Variants in USP49 observed in about 807,000 individuals in gnomAD.
USP49 encodes ubiquitin carboxyl-terminal hydrolase 49.
USP49 carries 24 observed loss-of-function variants against 58.6 expected under a neutral mutation model. The observed-to-expected ratio is 0.41, with a 90% confidence interval of 0.30 to 0.58. The LOEUF is 0.58. Ranked by LOEUF, USP49 falls within the 20% of genes least tolerant of loss-of-function variation. The pLI, the probability that USP49 is intolerant of heterozygous loss-of-function variation, is 0.30. For missense variants in USP49, 703 were observed against 866.1 expected, an observed-to-expected ratio of 0.81 and a Z score of 2.36; for synonymous variants, 408 against 365.1, an observed-to-expected ratio of 1.12 and a Z score of -1.34.
At chr6:41,816,134 C>G (rs1036734747) in intron 3 of USP49, among the ~76,000 whole-genome samples, 3 of 152,186 alleles carry the variant, frequency 2.0e-5, no homozygotes, top group African/African-American at 4.8e-5. Flanking sequence ...TACAAATATT[C>G]TCAAGTGTCT....
Position 41,821,793 on chromosome 6 carries a change from C to T in USP49, c.-28-14782G>A, listed in dbSNP as rs899539130. On this transcript the variant is annotated intron_variant, in intron 3 of 7. Transcript: ENST00000682992. ...TCCTCATGGACTCCAATTATCCAGA[C>T]GGAAAGCAGCTCATCCTATACATTT... 1.4e-4 allele frequency among the ~76,000 whole-genome samples: 21 copies of T among 152,220 alleles called. 1 individual carries two copies. The highest frequency in any genetic ancestry group is 7.9e-4 in the Admixed American group (12 of 15,282).
intron 3 of USP49, among the ~76,000 whole-genome samples, chr6:41,858,679 C>T (rs1774171308): frequency 1.3e-5 from 2 of 152,008 alleles, no homozygotes; most frequent in African/African-American, 4.8e-5. Flanking sequence ...AATGCTCTTC[C>T]CTCAGATATC....
chr6:41,881,886 C>A (rs1329253111), intron 2 of USP49, among the ~76,000 whole-genome samples: 1 of 152,022 alleles, frequency 6.6e-6, no homozygotes. Context: ...TTCTTTCATA[C>A]TCATGGATAT....
chr6:41,861,022 G>C (rs1054867030), intron 3 of USP49, among the ~76,000 whole-genome samples: 2 of 152,056 alleles, frequency 1.3e-5, no homozygotes, highest in Non-Finnish European at 2.9e-5. Flanking sequence ...CCAGCTACTC[G>C]GGAGGCTGAG....
chr6:41,878,648 A>G (rs1171216329), intron 2 of USP49, among the ~76,000 whole-genome samples: 1 of 152,238 alleles, frequency 6.6e-6, no homozygotes, highest in African/African-American at 2.4e-5. Flanking sequence ...AGCATACATT[A>G]AAATCATTAA....
At position 41,798,915 on chromosome 6, in the gene USP49, T is replaced by C; in HGVS notation, c.1685A>G (p.Asn562Ser). 1 of 1,613,190 alleles carries C rather than the reference T, an allele frequency of 6.2e-7. No homozygotes were observed. Among genetic ancestry groups the C allele is most frequent in the Non-Finnish European group, 8.5e-7 (1 of 1,179,704 alleles). The change falls in exon 7 of 8, where the codon AAT (asparagine) becomes AGT (serine). Residue 562 changes from asparagine (N) to serine (S), a missense_variant. Asn to Ser is a conservative substitution (Grantham distance 46, BLOSUM62 1). Around this residue, in one of 6 missense-constraint regions of USP49, gnomAD observed 158 missense variants for 241.2 expected, o/e 0.66. Transcript: ENST00000682992. ...HLKRFRWSGR[N>S]HREKIGVHVV... ...ATGGACCCCAATCTTCTCTCGATGA[T>C]TACGGCCAGACCACCTAGAACATGG...
chr6:41,860,674 ATT>A (rs34076767), intron 3 of USP49, among the ~76,000 whole-genome samples: 4 of 150,134 alleles, frequency 2.7e-5, no homozygotes, highest in East Asian at 2.0e-4. Context: ...CACCCAGCTA[ATT>A]TTTTTTTTGT....
At chr6:41,802,886 G>A (rs953259008) in intron 5 of USP49, among the ~76,000 whole-genome samples, 2 of 152,058 alleles carry the variant, frequency 1.3e-5, no homozygotes, top group African/African-American at 2.4e-5. Flanking sequence ...AAATACTTCC[G>A]TATGACCCTC....
At chr6:41,804,052 G>T in intron 4 of USP49, 42 bp from the exon 5 acceptor site, 4 of 1,582,648 alleles carry the variant, frequency 2.5e-6, no homozygotes, top group Non-Finnish European at 3.5e-6. Flanking sequence ...TAACTTCCAT[G>T]CTTCCTGTGT....
At chr6:41,876,992 C>G (rs1349845571) in intron 2 of USP49, among the ~76,000 whole-genome samples, 1 of 152,136 alleles carries the variant, frequency 6.6e-6, no homozygotes, top group Non-Finnish European at 1.5e-5. Flanking sequence ...TCTCCAGTCC[C>G]ACTCAAATTT....
chr6:41,826,171 G>A (rs1356924336), intron 3 of USP49, among the ~76,000 whole-genome samples: 2 of 152,102 alleles, frequency 1.3e-5, no homozygotes, highest in African/African-American at 4.8e-5. Flanking sequence ...AGGCTGAGGT[G>A]GGAAGATCAA....
intron 1 of USP49, among the ~76,000 whole-genome samples, chr6:41,895,066 G>T (rs113429139): frequency 0.035 from 4,537 of 129,836 alleles, 114 homozygotes; most frequent in African/African-American, 0.073. Context: ...CCGGCGCCGC[G>T]GTCCCGCCCC....
chr6:41,845,496 G>C (rs9462745), intron 3 of USP49, among the ~76,000 whole-genome samples: 2 of 151,976 alleles, frequency 1.3e-5, no homozygotes, highest in Non-Finnish European at 2.9e-5. Flanking sequence ...CTCCAGCCTG[G>C]GCAACAAGAG....
chr6:41,873,255 G>A (rs929638738), intron 2 of USP49, among the ~76,000 whole-genome samples: 1 of 151,666 alleles, frequency 6.6e-6, no homozygotes, highest in Non-Finnish European at 1.5e-5. Flanking sequence ...TAATGCAAAG[G>A]CTCACTCCAC....
intron 3 of USP49, among the ~76,000 whole-genome samples, chr6:41,845,286 C>T (rs1355881007): frequency 1.3e-5 from 2 of 152,018 alleles, no homozygotes; most frequent in African/African-American, 4.8e-5. Context: ...CCATGTACTC[C>T]CAGCACTTTG....
At chr6:41,801,407 G>A (rs1772995104) in intron 5 of USP49, among the ~76,000 whole-genome samples, 1 of 152,200 alleles carries the variant, frequency 6.6e-6, no homozygotes, top group Non-Finnish European at 1.5e-5. Context: ...AATAGGATGT[G>A]GAGGTGTAAC....
At chr6:41,854,740 T>C (rs769647420) in intron 3 of USP49, among the ~76,000 whole-genome samples, 3 of 152,150 alleles carry the variant, frequency 2.0e-5, no homozygotes, top group Non-Finnish European at 4.4e-5. Flanking sequence ...GAAACAATGT[T>C]TTAGATCAAA....
chr6:41,804,104 TA>T, intron 4 of USP49, 94 bp from the exon 5 acceptor site: 1 of 1,109,718 alleles, frequency 9.0e-7, no homozygotes, highest in South Asian at 1.6e-5. Context: ...TTATCAAAAC[TA>T]AGTGTATAAT....
At chr6:41,833,262 C>T (rs1029990970) in intron 3 of USP49, among the ~76,000 whole-genome samples, 15 of 151,604 alleles carry the variant, frequency 9.9e-5, no homozygotes, top group South Asian at 2.1e-4. Flanking sequence ...ATGATCCGCC[C>T]GCCTCGGCCT....
Sources: gnomAD v4.1 joint callset for allele counts (sites outside exome capture counted in the v4.1 genomes callset) on GRCh38, gnomAD v4.1.1 for gene constraint, gnomAD v4.1.1 regional missense constraint, MANE v1.5 for transcripts, NCBI Gene and HGNC (gene_info 2026-07-23, HGNC 2026-07-21) for gene names.